Variants in GRIN2A observed in about 807,000 individuals in gnomAD.
The protein encoded by GRIN2A is glutamate ionotropic receptor NMDA type subunit 2A, also known as glutamate receptor ionotropic, NMDA 2A.
Under a neutral mutation model 113.4 loss-of-function variants are expected in GRIN2A, and 22 were observed. That is an observed-to-expected ratio of 0.19 (90% CI 0.14 to 0.28). The LOEUF (loss-of-function observed/expected upper bound fraction) is 0.28. Ranked by LOEUF, GRIN2A falls within the 10% of genes least tolerant of loss-of-function variation. The pLI is 1.00. For missense variants in GRIN2A, 1,502 were observed against 1,887.0 expected, an observed-to-expected ratio of 0.80 and a Z score of 3.78; for synonymous variants, 827 against 738.4, an observed-to-expected ratio of 1.12 and a Z score of -1.94.
chr16:10,121,111 T>A (rs977503683), intron 2 of GRIN2A, among the ~76,000 whole-genome samples: 4 of 152,120 alleles, frequency 2.6e-5, no homozygotes, highest in African/African-American at 4.8e-5. Context: ...AAAGCAGCAA[T>A]CCACAGCAAG....
At chr16:10,009,254 T>C (rs1229269588) in intron 2 of GRIN2A, among the ~76,000 whole-genome samples, 1 of 152,238 alleles carries the variant, frequency 6.6e-6, no homozygotes, top group Non-Finnish European at 1.5e-5. Context: ...CACATACAGA[T>C]GCTGATTTAA....
At position 9,938,396 on chromosome 16, in the gene GRIN2A, T is replaced by A. The variant is rs2044768067; in HGVS notation, c.570A>T (p.Thr190=). 1 of 1,614,000 alleles carries A rather than the reference T, an allele frequency of 6.2e-7. No homozygotes were observed. The highest frequency in any genetic ancestry group is 1.3e-5 in the African/African-American group (1 of 74,908). Residue 190 remains threonine, a synonymous_variant, in exon 3 of 13, where the codon ACA becomes ACT. Transcript: ENST00000330684. ...CCCAGCCCACAAAGCTGTTGTCCAC[T>A]GTGGTCTTGACGAAGCTGATGAATT... ...YREFISFVKT[T]VDNSFVGWDM... is the part of the protein sequence containing the mutation.
At chr16:10,003,344 CAGATA>C (rs981451803) in intron 2 of GRIN2A, among the ~76,000 whole-genome samples, 34 of 152,170 alleles carry the variant, frequency 2.2e-4, no homozygotes, top group African/African-American at 7.2e-4. Flanking sequence ...TAAAGGATTC[CAGATA>C]AGATATCTAT....
intron 2 of GRIN2A, among the ~76,000 whole-genome samples, chr16:10,075,887 TA>T (rs1309552699): frequency 6.6e-6 from 1 of 152,158 alleles, no homozygotes; most frequent in Non-Finnish European, 1.5e-5. Context: ...AATAAAATCC[TA>T]CAACTAGTGT....
rs2141130761 is a variant in GRIN2A, at chr16:9,763,960, T to G, written c.3584A>C (p.Asp1195Ala). Residue 1195 changes from aspartate (D) to alanine (A), a missense_variant, in exon 13 of 13, where the codon GAC becomes GCC. Physicochemically the swap from Asp to Ala is moderately radical, Grantham distance 126. Coordinates refer to ENST00000330684, the MANE Select transcript of GRIN2A (RefSeq NM_001134407.3). ...GGTCTCACTGTGCGGGGAACCCTTG[T>G]CTTTCAAGGTGAAGTGCTTGGAGTA... Reference protein sequence around the residue: ...KLYSKHFTLKDKGSPHSETSE... With the variant: ...KLYSKHFTLKAKGSPHSETSE... 6.2e-7 allele frequency: 1 copy of G among 1,614,128 alleles called. No homozygotes were observed. Among genetic ancestry groups the G allele is most frequent in the Non-Finnish European group, 8.5e-7 (1 of 1,180,008 alleles).
intron 2 of GRIN2A, among the ~76,000 whole-genome samples, chr16:10,114,472 G>T (rs1338476689): frequency 6.6e-6 from 1 of 152,214 alleles, no homozygotes. Context: ...GCCCACAGAA[G>T]AATCATAACC....
intron 2 of GRIN2A, among the ~76,000 whole-genome samples, chr16:10,135,566 C>A (rs1334664835): frequency 1.3e-5 from 2 of 152,100 alleles, no homozygotes; most frequent in Admixed American, 6.5e-5. Context: ...ATTCTTGGCA[C>A]CAAAATCTGT....
chr16:10,044,076 G>C (rs970270251), intron 2 of GRIN2A, among the ~76,000 whole-genome samples: 20 of 150,842 alleles, frequency 1.3e-4, no homozygotes, highest in Non-Finnish European at 2.4e-4. Context: ...CAGAGACAGA[G>C]AGTGCCTCAC....
intron 3 of GRIN2A, among the ~76,000 whole-genome samples, chr16:9,912,927 C>T (rs1392239065): frequency 6.6e-6 from 1 of 152,200 alleles, no homozygotes; most frequent in East Asian, 1.9e-4. Context: ...AAATAGTCTC[C>T]ACATAGAAGA....
At chr16:10,100,616 C>G (rs942731191) in intron 2 of GRIN2A, among the ~76,000 whole-genome samples, 4 of 152,194 alleles carry the variant, frequency 2.6e-5, no homozygotes, top group African/African-American at 9.6e-5. Flanking sequence ...CTTTGTAACT[C>G]TTGTAAGATG....
chr16:9,901,158 C>T (rs768793015), intron 3 of GRIN2A, among the ~76,000 whole-genome samples: 1 of 152,172 alleles, frequency 6.6e-6, no homozygotes, highest in Non-Finnish European at 1.5e-5. Context: ...CTTGAAGAAC[C>T]TAGAATACTA....
At chr16:9,791,621 G>C (rs561559582) in intron 11 of GRIN2A, among the ~76,000 whole-genome samples, 1 of 152,286 alleles carries the variant, frequency 6.6e-6, no homozygotes, top group South Asian at 2.1e-4. Flanking sequence ...CTGGGAAGTT[G>C]ATCAAGGGCA....
chr16:9,758,087 T>C lies in GRIN2A; in HGVS notation c.*5062A>G, dbSNP rs762073558. The C allele has an allele frequency of 2.4e-5, 5 of 212,026 alleles. No homozygotes were observed. Among genetic ancestry groups the C allele is most frequent in the African/African-American group, 4.5e-5 (2 of 44,178 alleles). The allele number at this position is 212,026 out of a possible 1,614,324, so 13.1% of individuals were successfully genotyped here. On this transcript the variant is annotated 3_prime_UTR_variant, in exon 13 of 13. Transcript: ENST00000330684. ...TCTTAAACAGGCAACTGCCCATTTG[T>C]AAACTTCATTTTTCTCATCTCTCCT... is the stretch of plus-strand genomic sequence containing the variant.
intron 2 of GRIN2A, chr16:10,111,540 A>G (rs1283972878): frequency 2.1e-5 from 16 of 773,168 alleles, no homozygotes; most frequent in Non-Finnish European, 3.7e-5. Flanking sequence ...ACCTAACTTC[A>G]GCCCTGACCC....
At chr16:10,044,020 T>TAC (rs1394786989) in intron 2 of GRIN2A, among the ~76,000 whole-genome samples, 1 of 116,870 alleles carries the variant, frequency 8.6e-6, no homozygotes, top group Non-Finnish European at 1.7e-5. Context: ...TATATATATA[T>TAC]ATAGAGAGAG....
chr16:9,932,768 C>G (rs2044625578), intron 3 of GRIN2A, among the ~76,000 whole-genome samples: 1 of 152,172 alleles, frequency 6.6e-6, no homozygotes, highest in Admixed American at 6.5e-5. Flanking sequence ...GTCTAAGATG[C>G]AAATGCTTTT....
chr16:9,774,426 C>T lies in GRIN2A; in HGVS notation c.2357-5337G>A, dbSNP rs138135704. Reference sequence around the variant, plus strand: ...TAATACACTCAATATCTGAGTCAGACGGCCTGCATTAGACTCTTGGCTTCC... The same window carrying T: ...TAATACACTCAATATCTGAGTCAGATGGCCTGCATTAGACTCTTGGCTTCC... On this transcript the variant is annotated intron_variant, in intron 11 of 12. Transcript: ENST00000330684. 5.3e-5 allele frequency among the ~76,000 whole-genome samples: 8 copies of T among 152,294 alleles called. No individual in the cohort carries two copies. The East Asian group carries it at 9.6e-4, about 18-fold the overall frequency.
intron 2 of GRIN2A, among the ~76,000 whole-genome samples, chr16:10,103,482 T>C (rs2048438558): frequency 6.6e-6 from 1 of 152,152 alleles, no homozygotes; most frequent in Admixed American, 6.5e-5. Flanking sequence ...CCATCAAGGG[T>C]ATTACTAACC....
At chr16:10,103,315 G>A (rs1340137903) in intron 2 of GRIN2A, among the ~76,000 whole-genome samples, 2 of 152,164 alleles carry the variant, frequency 1.3e-5, no homozygotes, top group African/African-American at 4.8e-5. Flanking sequence ...TTGGGGATGG[G>A]GGAGTGGCTC....
Sources: allele counts gnomAD v4.1 joint callset (sites outside exome capture counted in the v4.1 genomes callset), GRCh38; gene constraint gnomAD v4.1.1; transcripts MANE v1.5; gene names NCBI Gene and HGNC (gene_info 2026-07-23, HGNC 2026-07-21).